The following ADAMTSL1 variants were observed in gnomAD, a reference collection of about 807,000 sequenced individuals.
ADAMTSL1 encodes the protein ADAMTS-like protein 1.
A neutral mutation model predicts 201.8 loss-of-function variants in ADAMTSL1; 126 were observed. That is an observed-to-expected ratio of 0.62 (90% CI 0.54 to 0.72). The LOEUF (loss-of-function observed/expected upper bound fraction) is 0.72, where lower values mean the gene tolerates loss of function less well. Ranked by LOEUF, ADAMTSL1 falls within the 30% of genes least tolerant of loss-of-function variation. The pLI, the probability that ADAMTSL1 is intolerant of heterozygous loss-of-function variation, is 0.00. For synonymous variants in ADAMTSL1, 1,121 were observed against 903.4 expected, an observed-to-expected ratio of 1.24 and a Z score of -4.32; for missense variants, 2,679 against 2,277.8, an observed-to-expected ratio of 1.18 and a Z score of -3.59.
chr9:17,928,589 C>T (rs1278095302), intron 1 of ADAMTSL1, among the ~76,000 whole-genome samples: 1 of 152,012 alleles, frequency 6.6e-6, no homozygotes, highest in Admixed American at 6.6e-5. Flanking sequence ...TATTTTTCCT[C>T]AACAATCCAG....
At chr9:17,992,523 T>A (rs1411598322) in intron 1 of ADAMTSL1, among the ~76,000 whole-genome samples, 1 of 152,136 alleles carries the variant, frequency 6.6e-6, no homozygotes, top group Non-Finnish European at 1.5e-5. Context: ...GATGCAGTGA[T>A]CCCAGCTACT....
intron 1 of ADAMTSL1, among the ~76,000 whole-genome samples, chr9:18,119,294 T>A (rs1053954950): frequency 3.3e-5 from 5 of 151,898 alleles, no homozygotes; most frequent in Admixed American, 1.3e-4. Flanking sequence ...ATTTTTTTTT[T>A]ATTTTTATTT....
At chr9:18,812,633 AGTGTTTCCTCTAT>A (rs1281598666) in intron 20 of ADAMTSL1, among the ~76,000 whole-genome samples, 4 of 152,164 alleles carry the variant, frequency 2.6e-5, no homozygotes, top group Non-Finnish European at 5.9e-5. Context: ...AATGTCATGA[AGTGTTTCCTCTAT>A]GTTTTTTCCT....
intron 2 of ADAMTSL1, among the ~76,000 whole-genome samples, chr9:18,529,378 A>T (rs1198372633): frequency 6.6e-6 from 1 of 152,158 alleles, no homozygotes; most frequent in Non-Finnish European, 1.5e-5. Flanking sequence ...TTAGTATACT[A>T]TGTATCTTGA....
In ADAMTSL1 at chr9:18,582,900, A is replaced by T. The variant is rs1471259119; in HGVS notation, c.474+8634A>T. On this transcript the variant is annotated intron_variant, in intron 4 of 28. Coordinates refer to ENST00000380548, the MANE Select transcript of ADAMTSL1 (RefSeq NM_001040272.6). ...AATAAAATAAAATAAAAATAAAATA[A>T]AATAAAATAAAAAGGGGAGTTTCCC... Among the ~76,000 whole-genome samples the T allele has an allele frequency of 2.0e-5, 3 of 151,580 alleles. No individual in the cohort carries two copies. The East Asian group carries it at 5.8e-4, about 29-fold the overall frequency.
chr9:18,882,335 CT>C (rs1224996117), intron 23 of ADAMTSL1, among the ~76,000 whole-genome samples: 6 of 151,698 alleles, frequency 4.0e-5, no homozygotes, highest in Admixed American at 2.0e-4. Context: ...GCATATGGCC[CT>C]TTTTTTTTCC....
intron 3 of ADAMTSL1, among the ~76,000 whole-genome samples, chr9:18,544,998 G>A (rs560524194): frequency 2.0e-5 from 3 of 152,232 alleles, no homozygotes; most frequent in Admixed American, 6.5e-5. Context: ...CTAGCTCCAC[G>A]AGCTTAGGCA....
At position 18,624,997 on chromosome 9, in the gene ADAMTSL1, A is replaced by C. The variant is rs534245617; in HGVS notation, c.601+2628A>C. ...TCACCACAATCTATAGCAGATGCTG[A>C]ACAAACTGCCTCACTTATGTTTCTC... On this transcript the variant is annotated intron_variant, in intron 5 of 28. Transcript: ENST00000380548. 1.4e-3 allele frequency among the ~76,000 whole-genome samples: 213 copies of C among 152,314 alleles called. 2 individuals are homozygous for C. Among genetic ancestry groups the C allele is most frequent in the African/African-American group, 4.7e-3 (196 of 41,568 alleles).
chr9:18,329,324 C>T (rs1181798898), intron 2 of ADAMTSL1, among the ~76,000 whole-genome samples: 5 of 152,156 alleles, frequency 3.3e-5, no homozygotes, highest in African/African-American at 9.7e-5. Flanking sequence ...GTTTGTAATA[C>T]ACATTAGCCT....
chr9:18,017,824 T>C (rs1820322231), intron 1 of ADAMTSL1, among the ~76,000 whole-genome samples: 1 of 152,036 alleles, frequency 6.6e-6, no homozygotes, highest in African/African-American at 2.4e-5. Flanking sequence ...AAAGATTGTG[T>C]CATTTCTTAC....
chr9:18,682,152 C>G (rs1293068111), intron 12 of ADAMTSL1, among the ~76,000 whole-genome samples, 193 bp downstream of exon 12: 2 of 152,092 alleles, frequency 1.3e-5, no homozygotes, highest in Non-Finnish European at 2.9e-5. Flanking sequence ...TTTCATTAAC[C>G]ACTACATGTA....
chr9:18,652,629 G>T (rs894629447), intron 7 of ADAMTSL1, among the ~76,000 whole-genome samples: 5 of 152,136 alleles, frequency 3.3e-5, no homozygotes, highest in African/African-American at 4.8e-5. Context: ...AACATGCTTT[G>T]TGTTAGATGA....
intron 2 of ADAMTSL1, among the ~76,000 whole-genome samples, chr9:18,210,755 C>G (rs531897526): frequency 1.3e-5 from 2 of 151,542 alleles, no homozygotes; most frequent in Admixed American, 6.6e-5. Context: ...AGGCAGGACA[C>G]CAGTAATTTT....
At chr9:18,785,734 A>G (rs1226900755) in intron 19 of ADAMTSL1, among the ~76,000 whole-genome samples, 1 of 152,222 alleles carries the variant, frequency 6.6e-6, no homozygotes, top group African/African-American at 2.4e-5. Context: ...TACATCTAAT[A>G]CCAGGAGGCT....
intron 2 of ADAMTSL1, among the ~76,000 whole-genome samples, chr9:18,289,978 T>C (rs16936525): frequency 0.054 from 8,212 of 152,274 alleles, 285 homozygotes; most frequent in Non-Finnish European, 0.075. Flanking sequence ...ATGGAGATGA[T>C]ACCCTCTAAG....
chr9:17,909,039 T>A (rs1261031128), intron 1 of ADAMTSL1, among the ~76,000 whole-genome samples: 18 of 149,816 alleles, frequency 1.2e-4, no homozygotes, highest in South Asian at 8.8e-4. Context: ...GGTATCTCAT[T>A]GTGGTTTTGA....
chr9:18,306,246 CA>C (rs1411456905), intron 2 of ADAMTSL1, among the ~76,000 whole-genome samples: 1 of 152,142 alleles, frequency 6.6e-6, no homozygotes, highest in Non-Finnish European at 1.5e-5. Flanking sequence ...AAACCCAGCA[CA>C]AAAAGGCTGA....
intron 23 of ADAMTSL1, among the ~76,000 whole-genome samples, chr9:18,835,889 A>G (rs200490858): frequency 1.1e-4 from 16 of 151,924 alleles, no homozygotes; most frequent in Non-Finnish European, 1.6e-4. Context: ...ACCATATTTT[A>G]TTTATCCAAT....
intron 1 of ADAMTSL1, among the ~76,000 whole-genome samples, chr9:18,478,908 C>T (rs1000151447): frequency 3.3e-5 from 5 of 152,156 alleles, no homozygotes; most frequent in Non-Finnish European, 7.3e-5. Context: ...GAGACAAGTG[C>T]GTGTCATTTT....
Sources: gnomAD v4.1 joint callset for allele counts (sites outside exome capture counted in the v4.1 genomes callset) on GRCh38, gnomAD v4.1.1 for gene constraint, MANE v1.5 for transcripts, NCBI Gene and HGNC (gene_info 2026-07-23, HGNC 2026-07-21) for gene names.